Variants in PRKD1 observed in about 807,000 individuals in gnomAD.
PRKD1 encodes protein kinase D1.
A neutral mutation model predicts 95.9 loss-of-function variants in PRKD1; 63 were observed. The ratio of observed to expected loss-of-function variants is 0.66; its 90% CI spans 0.54 to 0.81. The LOEUF is 0.81. Among genes scored for constraint, PRKD1 ranks in the 30% least tolerant of loss-of-function variants. PRKD1 has a pLI of 0.00. For missense variants in PRKD1, 1,048 were observed against 1,165.3 expected (o/e 0.90, Z 1.47); for synonymous variants, 425 against 423.1 (o/e 1.00, Z -0.05).
At chr14:29,765,599 T>C (rs1888222543) in intron 1 of PRKD1, among the ~76,000 whole-genome samples, 1 of 152,156 alleles carries the variant, frequency 6.6e-6, no homozygotes, top group Non-Finnish European at 1.5e-5. Context: ...AGAAGCATTG[T>C]TGTTGGCTCA....
At chr14:29,653,679 T>C (rs759140191) in intron 4 of PRKD1, among the ~76,000 whole-genome samples, 1 of 152,046 alleles carries the variant, frequency 6.6e-6, no homozygotes, top group African/African-American at 2.4e-5. Flanking sequence ...TAAGTCTCTA[T>C]ACAGTAAGAG....
rs45511805 is a variant in PRKD1 at position 29,805,885 on chromosome 14, G to A, written c.265-80211C>T. 2.6e-3 allele frequency among the ~76,000 whole-genome samples: 401 copies of A among 152,306 alleles called. 1 individual carries two copies. The highest frequency in any genetic ancestry group is 9.3e-3 in the African/African-American group (386 of 41,558). ...TTGCCAATGAAGGGGAATATGCAAT[G>A]AGGAGGAGAGAAGAAAACTTAAGTT... is the stretch of plus-strand genomic sequence containing the variant. On this transcript the variant is annotated intron_variant, in intron 1 of 17. Coordinates refer to ENST00000331968, the MANE Select transcript of PRKD1 (RefSeq NM_002742.3).
At chr14:29,901,395 C>T (rs1342230124) in intron 1 of PRKD1, among the ~76,000 whole-genome samples, 2 of 152,204 alleles carry the variant, frequency 1.3e-5, no homozygotes, top group East Asian at 1.9e-4. Flanking sequence ...ACTATGCTCA[C>T]TACCTGGGTG....
intron 1 of PRKD1, 136 bp downstream of exon 1, chr14:29,927,113 G>C (rs1226236362): frequency 2.0e-6 from 2 of 979,888 alleles, no homozygotes; most frequent in Non-Finnish European, 2.6e-6. Context: ...GGCGGGGCCA[G>C]CCGCTTCCAG....
At chr14:29,610,373 C>T (rs1336681290) in intron 13 of PRKD1, among the ~76,000 whole-genome samples, 1 of 152,134 alleles carries the variant, frequency 6.6e-6, no homozygotes, top group East Asian at 1.9e-4. Context: ...AACAGACCCC[C>T]TTACCAAAGA....
intron 1 of PRKD1, among the ~76,000 whole-genome samples, chr14:29,740,932 G>C (rs114888346): frequency 0.013 from 1,928 of 152,312 alleles, 29 homozygotes; most frequent in African/African-American, 0.044. Flanking sequence ...TCATTAAAAA[G>C]AATGAGGGCA....
At chr14:29,796,771 G>A (rs1033469483) in intron 1 of PRKD1, among the ~76,000 whole-genome samples, 13 of 152,090 alleles carry the variant, frequency 8.5e-5, no homozygotes, top group African/African-American at 3.1e-4. Context: ...CTAGGGGAAT[G>A]GTGAGGACAA....
chr14:29,917,164 C>CTTA (rs1894920158), intron 1 of PRKD1, among the ~76,000 whole-genome samples: 2 of 152,172 alleles, frequency 1.3e-5, no homozygotes, highest in Non-Finnish European at 2.9e-5. Flanking sequence ...TTAATTCTAG[C>CTTA]ACCTGAACTA....
At position 29,687,377 on chromosome 14, in the gene PRKD1, A is replaced by G. The variant is rs573370502; in HGVS notation, c.404-21169T>C. Among the ~76,000 whole-genome samples, 19 of 152,318 alleles carry G rather than the reference A, an allele frequency of 1.2e-4. No homozygotes were observed. In the South Asian group the frequency reaches 3.9e-3, roughly 32 times the overall value. Reference sequence around the variant, plus strand: ...TTGGTTGAGATTAGGAGTGGAGAGAAGAGAAAAGGGGAAAATAATGAAATA... The same window carrying G: ...TTGGTTGAGATTAGGAGTGGAGAGAGGAGAAAAGGGGAAAATAATGAAATA... On this transcript the variant is annotated intron_variant, in intron 2 of 17. Transcript: ENST00000331968.
chr14:29,794,572 C>G (rs575133171), intron 1 of PRKD1, among the ~76,000 whole-genome samples: 2 of 152,138 alleles, frequency 1.3e-5, no homozygotes, highest in African/African-American at 4.8e-5. Flanking sequence ...ACAAAGCGTA[C>G]TGAGTTTCTA....
intron 1 of PRKD1, among the ~76,000 whole-genome samples, chr14:29,753,667 T>C (rs1471764355): frequency 6.6e-6 from 1 of 152,146 alleles, no homozygotes; most frequent in Non-Finnish European, 1.5e-5. Context: ...CTTTTGTTTG[T>C]ATGAGTATGC....
chr14:29,702,690 A>G (rs1230550405), intron 2 of PRKD1, among the ~76,000 whole-genome samples: 2 of 152,080 alleles, frequency 1.3e-5, no homozygotes, highest in Non-Finnish European at 2.9e-5. Context: ...TATTATCTTT[A>G]ATATTTTGTA....
chr14:29,725,906 C>T (rs1242476870), intron 1 of PRKD1, among the ~76,000 whole-genome samples: 7 of 151,980 alleles, frequency 4.6e-5, no homozygotes, highest in Non-Finnish European at 8.8e-5. Context: ...AAGTGGTTTT[C>T]TAATTAGACA....
chr14:29,853,096 T>C (rs963960884), intron 1 of PRKD1, among the ~76,000 whole-genome samples: 2 of 152,126 alleles, frequency 1.3e-5, no homozygotes, highest in Non-Finnish European at 2.9e-5. Context: ...TATATTAATA[T>C]CAGACAAAAT....
At chr14:29,824,245 C>T (rs1446284300) in intron 1 of PRKD1, among the ~76,000 whole-genome samples, 1 of 152,160 alleles carries the variant, frequency 6.6e-6, no homozygotes, top group East Asian at 1.9e-4. Flanking sequence ...CCAAAGTCTA[C>T]AAGGATCAAA....
rs546084273 is a variant in PRKD1, at chr14:29,621,504, A to C, written c.1905+2648T>G. On this transcript the variant is annotated intron_variant, in intron 13 of 17. Coordinates refer to ENST00000331968, the MANE Select transcript of PRKD1 (RefSeq NM_002742.3). ...GGACATGATTAGTTTCCTATTCTTG[A>C]TGAACATATTTTAAAATAATTGGCA... 5.4e-5 allele frequency among the ~76,000 whole-genome samples: 8 copies of C among 148,028 alleles called. 1 individual carries two copies. In the South Asian group the frequency reaches 1.7e-3, roughly 32 times the overall value.
chr14:29,860,263 G>A (rs532494155), intron 1 of PRKD1, among the ~76,000 whole-genome samples: 5 of 152,310 alleles, frequency 3.3e-5, no homozygotes, highest in African/African-American at 1.2e-4. Flanking sequence ...GTGTTGCAGC[G>A]AAGGCTGCGG....
intron 1 of PRKD1, among the ~76,000 whole-genome samples, chr14:29,741,859 T>TA (rs1371293901): frequency 1.7e-4 from 25 of 151,154 alleles, no homozygotes; most frequent in African/African-American, 5.7e-4. Context: ...CTGATTTTTT[T>TA]TAAAAAAACT....
Position 29,826,844 on chromosome 14 carries a change from C to CACAT in PRKD1, c.264+100404_264+100405insATGT, listed in dbSNP as rs1323754040. 1.5e-3 allele frequency among the ~76,000 whole-genome samples: 43 copies of CACAT among 28,678 alleles called. 3 individuals are homozygous for CACAT. Among genetic ancestry groups the CACAT allele is most frequent in the East Asian group, 3.5e-3 (3 of 856 alleles). The allele number at this position is 28,678 out of a possible 152,430, so 18.8% of individuals were successfully genotyped here. On this transcript the variant is annotated intron_variant, in intron 1 of 17. Transcript: ENST00000331968. ...ATATATATATATATATATATACACA[C>CACAT]ATATATATATATATATATATATATA... is the stretch of plus-strand genomic sequence containing the variant.
Sources: allele counts gnomAD v4.1 joint callset (sites outside exome capture counted in the v4.1 genomes callset), GRCh38; gene constraint gnomAD v4.1.1; transcripts MANE v1.5; gene names NCBI Gene and HGNC (gene_info 2026-07-23, HGNC 2026-07-21).